Variants in SEMA6D observed in about 807,000 individuals in gnomAD.
The protein encoded by SEMA6D is semaphorin 6D.
A neutral mutation model predicts 106.6 loss-of-function variants in SEMA6D; 35 were observed. The ratio of observed to expected loss-of-function variants is 0.33; its 90% CI spans 0.25 to 0.44. The LOEUF (loss-of-function observed/expected upper bound fraction) is 0.44, where lower values mean the gene tolerates loss of function less well. Ranked by LOEUF, SEMA6D falls within the 20% of genes least tolerant of loss-of-function variation. The pLI, the probability that SEMA6D is intolerant of heterozygous loss-of-function variation, is 1.00. For synonymous variants in SEMA6D, 499 were observed against 487.7 expected (o/e 1.02, Z -0.31); for missense variants, 1,185 against 1,345.9 (o/e 0.88, Z 1.87).
At chr15:47,286,600 C>T (rs917181208) in intron 1 of SEMA6D, among the ~76,000 whole-genome samples, 3 of 151,944 alleles carry the variant, frequency 2.0e-5, no homozygotes, top group African/African-American at 7.3e-5. Context: ...CTAATATCTT[C>T]CTCTTCATTT....
chr15:47,629,236 A>G (rs1566945697), intron 4 of SEMA6D, among the ~76,000 whole-genome samples: 1 of 151,986 alleles, frequency 6.6e-6, no homozygotes, highest in African/African-American at 2.4e-5. Context: ...ATGCTTTTTC[A>G]GTATTATTTT....
At chr15:47,455,817 A>T (rs2042329172) in intron 2 of SEMA6D, among the ~76,000 whole-genome samples, 1 of 151,938 alleles carries the variant, frequency 6.6e-6, no homozygotes, top group Non-Finnish European at 1.5e-5. Flanking sequence ...TTACTTGCCC[A>T]TGTGGCTTCA....
intron 1 of SEMA6D, among the ~76,000 whole-genome samples, chr15:47,311,168 A>G (rs563812272): frequency 2.6e-5 from 4 of 152,254 alleles, no homozygotes; most frequent in African/African-American, 9.6e-5. Flanking sequence ...CTTTCTACAC[A>G]TGCAGTTACT....
chr15:47,257,041 C>T (rs1464236732), intron 1 of SEMA6D, among the ~76,000 whole-genome samples: 2 of 148,246 alleles, frequency 1.3e-5, no homozygotes, highest in African/African-American at 2.5e-5. Context: ...GGTAGAATAA[C>T]AGTGAGGAGA....
At chr15:47,469,073 T>G (rs896434709) in intron 2 of SEMA6D, among the ~76,000 whole-genome samples, 1 of 152,218 alleles carries the variant, frequency 6.6e-6, no homozygotes, top group African/African-American at 2.4e-5. Flanking sequence ...CCATCTTTTC[T>G]GAACTCAATG....
intron 4 of SEMA6D, among the ~76,000 whole-genome samples, chr15:47,634,634 C>T (rs1156292876): frequency 6.6e-6 from 1 of 152,164 alleles, no homozygotes; most frequent in Non-Finnish European, 1.5e-5. Context: ...ATCAACTGGG[C>T]TTATTCAGTG....
At chr15:47,395,487 C>G (rs1048172790) in intron 1 of SEMA6D, 3 of 152,158 alleles carry the variant, frequency 2.0e-5, no homozygotes, top group Non-Finnish European at 4.4e-5. Flanking sequence ...TGGAAAGACC[C>G]TTCGTTAATT....
intron 1 of SEMA6D, among the ~76,000 whole-genome samples, chr15:47,353,892 G>A (rs11854608): frequency 0.068 from 10,265 of 152,056 alleles, 505 homozygotes; most frequent in Non-Finnish European, 0.099. Flanking sequence ...TGAAAGCATT[G>A]ACTTAGAGAC....
chr15:47,720,886 G>A (rs1198310029), intron 1 of SEMA6D, among the ~76,000 whole-genome samples: 3 of 152,204 alleles, frequency 2.0e-5, no homozygotes, highest in Non-Finnish European at 2.9e-5. Context: ...TAAGAGCCTG[G>A]CTGAATGCCT....
chr15:47,496,149 G>T (rs924744669), intron 3 of SEMA6D, among the ~76,000 whole-genome samples: 6 of 151,962 alleles, frequency 3.9e-5, no homozygotes, highest in Non-Finnish European at 1.5e-5. Context: ...TGGAACACTG[G>T]AGCTAATTTA....
At chr15:47,223,675 C>T (rs2031408670) in intron 1 of SEMA6D, among the ~76,000 whole-genome samples, 1 of 151,902 alleles carries the variant, frequency 6.6e-6, no homozygotes, top group African/African-American at 2.4e-5. Flanking sequence ...GATCATGTAC[C>T]CCTGTCTTGC....
intron 3 of SEMA6D, among the ~76,000 whole-genome samples, chr15:47,501,473 C>G (rs1175330295): frequency 1.3e-5 from 2 of 152,172 alleles, no homozygotes; most frequent in African/African-American, 4.8e-5. Flanking sequence ...AGATTTTCTC[C>G]AGTACCTTGT....
In SEMA6D at chr15:47,765,963, A is replaced by C. The variant is rs759173440; in HGVS notation, c.1522A>C (p.Ile508Leu). Reference protein sequence around the residue: ...ALYVAFSSCIIRIPLSRCERY... With the variant: ...ALYVAFSSCILRIPLSRCERY... ...ATATGTGGCGTTCTCTAGCTGCATT[A>C]TCCGCATCCCCCTCAGTCGCTGTGA... Residue 508 changes from isoleucine to leucine, a missense_variant, in exon 14 of 19, where the codon ATC becomes CTC. By Grantham distance (5) the Ile-to-Leu change is conservative. Around this residue, in one of 3 missense-constraint regions of SEMA6D, gnomAD observed 750 missense variants for 783.5 expected, o/e 0.96. Transcript: ENST00000536845. The C allele has an allele frequency of 5.0e-6, 8 of 1,593,174 alleles. No homozygotes were observed. Among genetic ancestry groups the C allele is most frequent in the Non-Finnish European group, 6.8e-6 (8 of 1,169,942 alleles).
At chr15:47,704,032 C>A (rs1403458763) in intron 4 of SEMA6D, among the ~76,000 whole-genome samples, 1 of 152,206 alleles carries the variant, frequency 6.6e-6, no homozygotes, top group African/African-American at 2.4e-5. Flanking sequence ...GACACACATA[C>A]ATATGCGCTC....
At chr15:47,699,154 TA>T (rs976070757) in intron 4 of SEMA6D, among the ~76,000 whole-genome samples, 4 of 152,214 alleles carry the variant, frequency 2.6e-5, no homozygotes, top group Non-Finnish European at 5.9e-5. Context: ...GCCAGCTTTT[TA>T]AAGGCCTTTA....
intron 4 of SEMA6D, among the ~76,000 whole-genome samples, chr15:47,710,893 T>G (rs1319437809): frequency 6.6e-6 from 1 of 152,214 alleles, no homozygotes; most frequent in Non-Finnish European, 1.5e-5. Context: ...TATATCACAA[T>G]TCAAGCTTCT....
intron 3 of SEMA6D, among the ~76,000 whole-genome samples, chr15:47,549,278 G>A (rs1193605706): frequency 1.3e-5 from 2 of 152,130 alleles, no homozygotes; most frequent in Admixed American, 1.3e-4. Flanking sequence ...CCAGCTGGGT[G>A]CATGAAGGGA....
At chr15:47,352,197 CATT>C (rs201866088) in intron 1 of SEMA6D, among the ~76,000 whole-genome samples, 1,684 of 152,160 alleles carry the variant, frequency 0.011, 12 homozygotes, top group Non-Finnish European at 0.014. Context: ...AAGTGAATAA[CATT>C]ATCTTTTTAT....
chr15:47,355,363 C>T (rs590247), intron 1 of SEMA6D, among the ~76,000 whole-genome samples: 72,275 of 152,090 alleles, frequency 0.48, 20,462 homozygotes, highest in South Asian at 0.62. Flanking sequence ...TATTTTTCTT[C>T]TGTTTCTAGA....
Sources: allele counts gnomAD v4.1 joint callset (sites outside exome capture counted in the v4.1 genomes callset), GRCh38; gene constraint gnomAD v4.1.1; regional missense constraint gnomAD v4.1.1; transcripts MANE v1.5; gene names NCBI Gene and HGNC (gene_info 2026-07-23, HGNC 2026-07-21).